Variants in SLC9B1 observed in about 807,000 individuals in gnomAD.
The protein encoded by SLC9B1 is solute carrier family 9 member B1, also known as sodium/hydrogen exchanger 9B1.
A neutral mutation model predicts 51.7 loss-of-function variants in SLC9B1; 32 were observed. The ratio of observed to expected loss-of-function variants is 0.62; its 90% confidence interval spans 0.47 to 0.83. The LOEUF (loss-of-function observed/expected upper bound fraction) is 0.83. Among genes scored for constraint, SLC9B1 ranks in the 40% least tolerant of loss-of-function variants. The pLI, the probability that SLC9B1 is intolerant of heterozygous loss-of-function variation, is 0.00. For missense variants in SLC9B1, 406 were observed against 613.2 expected, an observed-to-expected ratio of 0.66 and a Z score of 3.57; for synonymous variants, 145 against 212.7, an observed-to-expected ratio of 0.68 and a Z score of 2.77.
intron 10 of SLC9B1, 93 bp from the exon 11 acceptor site, chr4:102,905,743 A>C: frequency 2.5e-6 from 3 of 1,221,058 alleles, no homozygotes; most frequent in Non-Finnish European, 3.5e-6. Context: ...TTTTGAAAAC[A>C]TTTTAAGGCT....
At chr4:102,975,165 C>A (rs111969990) in intron 3 of SLC9B1, among the ~76,000 whole-genome samples, 240 of 142,344 alleles carry the variant, frequency 1.7e-3, no homozygotes, top group Non-Finnish European at 2.5e-3. Context: ...CAATGCCTAG[C>A]TAATTTTAAA....
chr4:103,018,822 T>C (rs1741559796), intron 1 of SLC9B1, among the ~76,000 whole-genome samples: 1 of 152,202 alleles, frequency 6.6e-6, no homozygotes, highest in Non-Finnish European at 1.5e-5. Flanking sequence ...GGTACAGGTT[T>C]GTGGCCTATT....
intron 3 of SLC9B1, among the ~76,000 whole-genome samples, chr4:102,983,884 C>A (rs1578400524): frequency 6.6e-6 from 1 of 151,984 alleles, no homozygotes; most frequent in East Asian, 1.9e-4. Flanking sequence ...GTACTGATAT[C>A]TACTCTAAAT....
chr4:102,898,848 CT>C (rs1234097403), downstream of SLC9B1, among the ~76,000 whole-genome samples: 3 of 152,348 alleles, frequency 2.0e-5, no homozygotes, highest in East Asian at 5.8e-4. Flanking sequence ...CTGCCTCAGC[CT>C]CCCGAGTAGC....
intron 11 of SLC9B1, among the ~76,000 whole-genome samples, chr4:102,902,547 CA>C (rs1471591704): frequency 1.3e-5 from 2 of 151,858 alleles, no homozygotes; most frequent in African/African-American, 4.8e-5. Flanking sequence ...AAACAAAAAC[CA>C]AACCCATTGA....
At chr4:102,992,782 C>T (rs1740013411) in intron 1 of SLC9B1, among the ~76,000 whole-genome samples, 1 of 152,120 alleles carries the variant, frequency 6.6e-6, no homozygotes, top group Admixed American at 6.5e-5. Flanking sequence ...TTTCATGCAG[C>T]TATGAAGAGA....
intron 7 of SLC9B1, among the ~76,000 whole-genome samples, chr4:102,919,691 G>A (rs933290458): frequency 6.6e-6 from 1 of 152,132 alleles, no homozygotes; most frequent in African/African-American, 2.4e-5. Flanking sequence ...GAAAAACAGG[G>A]CACTCCTGCC....
At chr4:102,963,375 A>G (rs1256702636) in intron 3 of SLC9B1, 1 of 218,012 alleles carries the variant, frequency 4.6e-6, no homozygotes, top group Non-Finnish European at 9.3e-6. Context: ...GTTGGGGAAC[A>G]AGTGTCCTTC....
intron 7 of SLC9B1, among the ~76,000 whole-genome samples, chr4:102,931,075 A>T (rs1267272293): frequency 6.6e-6 from 1 of 151,860 alleles, no homozygotes; most frequent in Non-Finnish European, 1.5e-5. Context: ...ATATAAAAAA[A>T]ATTAGCCGGG....
At chr4:102,947,139 A>G (rs1403492798) in intron 4 of SLC9B1, among the ~76,000 whole-genome samples, 1 of 152,172 alleles carries the variant, frequency 6.6e-6, no homozygotes, top group East Asian at 1.9e-4. Flanking sequence ...TGCGTTTTTT[A>G]TGTGAGGGTC....
At chr4:102,968,363 T>C (rs925475292) in intron 3 of SLC9B1, among the ~76,000 whole-genome samples, 4 of 152,176 alleles carry the variant, frequency 2.6e-5, no homozygotes, top group African/African-American at 9.7e-5. Flanking sequence ...ACAGACCTAA[T>C]TGTATGAGCT....
intron 1 of SLC9B1, among the ~76,000 whole-genome samples, chr4:103,009,709 C>T (rs1474436197): frequency 6.6e-6 from 1 of 152,168 alleles, no homozygotes; most frequent in African/African-American, 2.4e-5. Context: ...TTAGGTAAAA[C>T]ATATGCATCA....
At chr4:102,885,453 C>T (rs779230538) in intron 11 of SLC9B1, 2 of 1,596,268 alleles carry the variant, frequency 1.3e-6, no homozygotes, top group Non-Finnish European at 1.7e-6. Flanking sequence ...TTTACGTGTA[C>T]ACTAAAATTT....
chr4:102,944,989 C>G (rs1737197205), intron 6 of SLC9B1, among the ~76,000 whole-genome samples: 1 of 152,028 alleles, frequency 6.6e-6, no homozygotes, highest in African/African-American at 2.4e-5. Context: ...TGATGATAAA[C>G]ATTTAGGGGC....
At chr4:102,971,926 G>A (rs1005532210) in intron 3 of SLC9B1, among the ~76,000 whole-genome samples, 81 of 152,050 alleles carry the variant, frequency 5.3e-4, no homozygotes, top group African/African-American at 1.8e-3. Context: ...ACACCCTCCT[G>A]AGACTAAACC....
chr4:102,888,985 A>G (rs1325534334), intron 11 of SLC9B1: 1 of 152,260 alleles, frequency 6.6e-6, no homozygotes, highest in Admixed American at 6.5e-5. Flanking sequence ...AGACAGAGGT[A>G]ATCCTTCTAG....
intron 4 of SLC9B1, 40 bp from the exon 5 acceptor site, chr4:102,946,829 T>G: frequency 1.3e-6 from 2 of 1,522,376 alleles, no homozygotes; most frequent in Non-Finnish European, 1.8e-6. Context: ...CAGTTCATTT[T>G]TCTGAGAAAG....
chr4:102,946,638 T>C lies in SLC9B1; in HGVS notation c.525+9A>G, dbSNP rs1344078111. Reference sequence around the variant, plus strand: ...AATAACCTTACTCGATTTGTAATTGTAAATCTACCTGTGGATCGAGTCCAA... The same window carrying C: ...AATAACCTTACTCGATTTGTAATTGCAAATCTACCTGTGGATCGAGTCCAA... On this transcript the variant is annotated intron_variant, in intron 5 of 11. Transcript: ENST00000296422. 4 of 1,598,874 alleles carry C rather than the reference T, an allele frequency of 2.5e-6. No individual in the cohort carries two copies. The African/African-American group carries it at 5.4e-5, about 22-fold the overall frequency.
chr4:103,010,783 G>A (rs1323340317), intron 1 of SLC9B1, among the ~76,000 whole-genome samples: 1 of 152,146 alleles, frequency 6.6e-6, no homozygotes, highest in Non-Finnish European at 1.5e-5. Flanking sequence ...CATTTATGAG[G>A]GCAGAGCCCT....
Sources: gnomAD v4.1 joint callset for allele counts (sites outside exome capture counted in the v4.1 genomes callset) on GRCh38, gnomAD v4.1.1 for gene constraint, MANE v1.5 for transcripts, NCBI Gene and HGNC (gene_info 2026-07-23, HGNC 2026-07-21) for gene names.